RICTOR: variants seen among roughly 807,000 people sequenced by gnomAD.
RICTOR encodes the protein RPTOR independent companion of MTOR complex 2.
RICTOR carries 49 observed loss-of-function variants against 214.9 expected under a neutral mutation model. That is an observed-to-expected ratio of 0.23 (90% CI 0.18 to 0.29). RICTOR has a LOEUF of 0.29. RICTOR is among the 10% of genes least tolerant of loss of function. The pLI is 1.00. For missense variants in RICTOR, 1,625 were observed against 2,047.0 expected, an observed-to-expected ratio of 0.79 and a Z score of 3.98; for synonymous variants, 717 against 711.3, an observed-to-expected ratio of 1.01 and a Z score of -0.13.
intron 7 of RICTOR, among the ~76,000 whole-genome samples, chr5:38,984,050 GT>G (rs33986537): frequency 0.96 from 145,158 of 151,266 alleles, 69,738 homozygotes; most frequent in East Asian, 0.99. Flanking sequence ...AGAATTACCT[GT>G]TTTTTTTTTT....
Position 38,967,372 on chromosome 5 carries a change from C to T in RICTOR, c.1116G>A (p.Glu372=). Residue 372 remains glutamate (E), a synonymous_variant, in exon 13 of 38, where the codon GAG becomes GAA. Coordinates refer to ENST00000357387, the MANE Select transcript of RICTOR (RefSeq NM_152756.5). ...WRLSDGFVAA[E]AKTILPHRAR... ...CACGATGAGGAAGAATAGTTTTTGCCTCAGCTGCCACAAAGCCATCTGAAA... is the reference window on the plus strand; with the variant it reads ...CACGATGAGGAAGAATAGTTTTTGCTTCAGCTGCCACAAAGCCATCTGAAA... 3.1e-6 allele frequency: 5 copies of T among 1,613,838 alleles called. No individual in the cohort carries two copies. Among genetic ancestry groups the T allele is most frequent in the East Asian group, 2.2e-5 (1 of 44,858 alleles).
At chr5:39,001,848 G>GC (rs1338615605) in intron 5 of RICTOR, among the ~76,000 whole-genome samples, 10 of 152,072 alleles carry the variant, frequency 6.6e-5, no homozygotes, top group African/African-American at 2.4e-4. Context: ...ACTGAAAATA[G>GC]CAAGTGTTGA....
chr5:38,953,302 A>G (rs1200208273), intron 28 of RICTOR, among the ~76,000 whole-genome samples, 159 bp downstream of exon 28: 1 of 151,950 alleles, frequency 6.6e-6, no homozygotes, highest in Non-Finnish European at 1.5e-5. Context: ...CTATTCTTCA[A>G]CATAGAGATA....
intron 2 of RICTOR, among the ~76,000 whole-genome samples, chr5:39,071,837 T>C (rs1311612819): frequency 6.6e-6 from 1 of 152,220 alleles, no homozygotes; most frequent in Non-Finnish European, 1.5e-5. Flanking sequence ...AACACTGCCT[T>C]GGCATTAAAC....
intron 3 of RICTOR, among the ~76,000 whole-genome samples, chr5:39,017,959 T>C (rs1461165121): frequency 6.6e-6 from 1 of 152,146 alleles, no homozygotes; most frequent in Non-Finnish European, 1.5e-5. Context: ...ATACCAATAC[T>C]GATGAACTGT....
At chr5:38,960,585 AG>A in intron 19 of RICTOR, 52 bp from the exon 20 acceptor site, 1 of 1,573,686 alleles carries the variant, frequency 6.4e-7, no homozygotes, top group South Asian at 1.1e-5. Flanking sequence ...CAATTATTTT[AG>A]AATCTTAACC....
chr5:39,034,283 T>C (rs1756492184), intron 2 of RICTOR, among the ~76,000 whole-genome samples: 1 of 152,252 alleles, frequency 6.6e-6, no homozygotes, highest in South Asian at 2.1e-4. Context: ...CTAGATGTAG[T>C]TAATAATCCA....
chr5:38,967,225 G>A lies in RICTOR; in HGVS notation c.1154C>T (p.Pro385Leu), dbSNP rs1175404245. ...TILPHRARSR[P>L]DLMDNYLALI... ...TGCCAAATAATTATCCATGAGGTCT[G>A]GCCTGGAAAAAACAGCACAGAAACA... is the stretch of plus-strand genomic sequence containing the variant. The change falls in exon 14 of 38, where the codon CCA becomes CTA. Residue 385 changes from proline to leucine, a missense_variant and splice_region_variant. Pro to Leu is a moderately conservative substitution (Grantham distance 98). Around this residue, in one of 5 missense-constraint regions of RICTOR, gnomAD observed 1,214 missense variants for 1,470.5 expected, o/e 0.83. Coordinates refer to ENST00000357387, the MANE Select transcript of RICTOR (RefSeq NM_152756.5). 1 of 1,612,342 alleles carries A rather than the reference G, an allele frequency of 6.2e-7. No individual in the cohort carries two copies. Among genetic ancestry groups the A allele is most frequent in the East Asian group, 2.2e-5 (1 of 44,854 alleles).
chr5:39,061,200 T>C (rs1453983930), intron 2 of RICTOR, among the ~76,000 whole-genome samples: 1 of 152,020 alleles, frequency 6.6e-6, no homozygotes, highest in Non-Finnish European at 1.5e-5. Flanking sequence ...AAATCTCTAA[T>C]AGCATACAGC....
At chr5:38,996,911 G>C (rs1283238219) in intron 5 of RICTOR, 29 bp from the exon 6 acceptor site, 2 of 1,530,660 alleles carry the variant, frequency 1.3e-6, no homozygotes, top group Admixed American at 3.4e-5. Context: ...ATTAATCATT[G>C]ATAAAATTCT....
At chr5:39,066,928 C>T (rs541102264) in intron 2 of RICTOR, among the ~76,000 whole-genome samples, 17 of 152,324 alleles carry the variant, frequency 1.1e-4, no homozygotes, top group African/African-American at 3.4e-4. Context: ...TGGTCACAAC[C>T]ATTCAACCAG....
Position 38,967,334 on chromosome 5 carries a change from T to C in RICTOR, c.1151+3A>G. 1 of 1,611,794 alleles carries C rather than the reference T, an allele frequency of 6.2e-7. No individual in the cohort carries two copies. The highest frequency in any genetic ancestry group is 8.5e-7 in the Non-Finnish European group (1 of 1,178,418). On this transcript the variant is annotated splice_donor_region_variant and intron_variant, in intron 13 of 37. Transcript: ENST00000357387. ...TTGAAACCCTTTTTATTTTAAATTC[T>C]ACCTGGATCTGGCACGATGAGGAAG...
At chr5:39,055,504 T>C (rs1231846303) in intron 2 of RICTOR, among the ~76,000 whole-genome samples, 2 of 146,356 alleles carry the variant, frequency 1.4e-5, no homozygotes, top group Admixed American at 7.1e-5. Flanking sequence ...ATGTGTTTAC[T>C]GTGTTCTCCC....
At chr5:39,020,315 G>A (rs976140646) in intron 3 of RICTOR, among the ~76,000 whole-genome samples, 9 of 152,148 alleles carry the variant, frequency 5.9e-5, no homozygotes, top group Admixed American at 2.0e-4. Context: ...TGCATGCTAC[G>A]GAGAAATCTT....
intron 33 of RICTOR, among the ~76,000 whole-genome samples, 164 bp from the exon 34 acceptor site, chr5:38,945,888 G>A (rs183359753): frequency 7.6e-4 from 115 of 152,204 alleles, no homozygotes; most frequent in Non-Finnish European, 1.2e-4. Context: ...AATAAGGAAA[G>A]CCAGCAGATG....
intron 6 of RICTOR, among the ~76,000 whole-genome samples, chr5:38,991,841 TAA>T (rs1163013492): frequency 6.6e-6 from 1 of 152,078 alleles, no homozygotes; most frequent in African/African-American, 2.4e-5. Flanking sequence ...GTTTAATAAA[TAA>T]AGACTATTTT....
intron 2 of RICTOR, among the ~76,000 whole-genome samples, chr5:39,047,560 A>G (rs1448325603): frequency 6.6e-6 from 1 of 152,242 alleles, no homozygotes; most frequent in Non-Finnish European, 1.5e-5. Flanking sequence ...AGACTACATT[A>G]TAATGGTATC....
chr5:39,051,726 C>A, intron 2 of RICTOR, among the ~76,000 whole-genome samples: 1 of 151,286 alleles, frequency 6.6e-6, no homozygotes, highest in East Asian at 2.0e-4. Flanking sequence ...GCACTCCAGC[C>A]TGGGCAACGG....
rs539921057 is a variant in RICTOR at position 39,033,663 on chromosome 5, G to A, written c.98-12527C>T. Among the ~76,000 whole-genome samples, 55 of 152,164 alleles carry A rather than the reference G, an allele frequency of 3.6e-4. No individual in the cohort carries two copies. In the East Asian group the frequency reaches 8.1e-3, roughly 22 times the overall value. ...TTGTCTTCCCTAAAGATGGGAAAAAGAGACACCGGGGACTAGTAGTCAGGG... is the reference window on the plus strand; with the variant it reads ...TTGTCTTCCCTAAAGATGGGAAAAAAAGACACCGGGGACTAGTAGTCAGGG... On this transcript the variant is annotated intron_variant, in intron 2 of 37. Transcript: ENST00000357387.
Sources: gnomAD v4.1 joint callset for allele counts (sites outside exome capture counted in the v4.1 genomes callset) on GRCh38, gnomAD v4.1.1 for gene constraint, gnomAD v4.1.1 regional missense constraint, MANE v1.5 for transcripts, NCBI Gene and HGNC (gene_info 2026-07-23, HGNC 2026-07-21) for gene names.